C11orf65: variants seen among roughly 807,000 people sequenced by gnomAD.
C11orf65 encodes the protein chromosome 11 open reading frame 65, also known as protein MFI.
C11orf65 carries 38 observed loss-of-function variants against 35.3 expected under a neutral mutation model. The observed-to-expected ratio is 1.08, with a 90% CI of 0.83 to 1.41. The LOEUF (loss-of-function observed/expected upper bound fraction) is 1.41, where lower values mean the gene tolerates loss of function less well. Ranked by LOEUF, C11orf65 falls within the 40% of genes most tolerant of loss-of-function variation. C11orf65 has a pLI of 0.00. For synonymous variants in C11orf65, 105 were observed against 114.4 expected, an observed-to-expected ratio of 0.92 and a Z score of 0.53; for missense variants, 370 against 367.1, an observed-to-expected ratio of 1.01 and a Z score of -0.06.
intron 2 of C11orf65, among the ~76,000 whole-genome samples, chr11:108,345,189 G>A (rs1475314414): frequency 6.6e-6 from 1 of 152,182 alleles, no homozygotes; most frequent in Non-Finnish European, 1.5e-5. Context: ...TGGGCAGCTT[G>A]AGAAGCACAT....
chr11:108,435,400 C>A (rs2093046813), intron 2 of C11orf65, among the ~76,000 whole-genome samples: 1 of 151,812 alleles, frequency 6.6e-6, no homozygotes, highest in African/African-American at 2.4e-5. Flanking sequence ...GCTATTACTA[C>A]CAGTAGAAAT....
intron 2 of C11orf65, among the ~76,000 whole-genome samples, chr11:108,362,462 G>A (rs954995076): frequency 1.8e-4 from 27 of 151,428 alleles, no homozygotes; most frequent in Non-Finnish European, 3.8e-4. Flanking sequence ...TATAACCAAA[G>A]GACTATAAAT....
At chr11:108,377,213 T>C (rs1440490372) in intron 2 of C11orf65, among the ~76,000 whole-genome samples, 3 of 151,992 alleles carry the variant, frequency 2.0e-5, no homozygotes, top group South Asian at 4.2e-4. Flanking sequence ...TTGATGAACA[T>C]TGATGCAAAA....
At chr11:108,423,167 C>A (rs1214304373) in intron 3 of C11orf65, among the ~76,000 whole-genome samples, 1 of 152,150 alleles carries the variant, frequency 6.6e-6, no homozygotes, top group African/African-American at 2.4e-5. Flanking sequence ...GCCCTTTGGG[C>A]AGACACCAAG....
intron 2 of C11orf65, chr11:108,367,530 G>A (rs1430306992): frequency 9.7e-6 from 2 of 205,208 alleles, no homozygotes; most frequent in East Asian, 7.4e-5. Context: ...TCGTGTATTA[G>A]TGAGTATAAT....
intron 2 of C11orf65, among the ~76,000 whole-genome samples, chr11:108,347,830 A>G (rs570201004): frequency 8.5e-5 from 13 of 152,312 alleles, no homozygotes; most frequent in African/African-American, 3.1e-4. Flanking sequence ...AAACTATAGG[A>G]AATAAATGAA....
chr11:108,383,466 T>C (rs2091910719), intron 8 of C11orf65, among the ~76,000 whole-genome samples: 1 of 152,212 alleles, frequency 6.6e-6, no homozygotes, highest in Non-Finnish European at 1.5e-5. Context: ...AGTGCTCTCA[T>C]CTGTAAAATG....
intron 2 of C11orf65, chr11:108,343,522 A>G: frequency 2.2e-6 from 2 of 925,728 alleles, no homozygotes; most frequent in South Asian, 3.4e-5. Flanking sequence ...CATCAGAATG[A>G]AAGTGTGTGA....
At chr11:108,386,270 A>G (rs746022108) in intron 7 of C11orf65, among the ~76,000 whole-genome samples, 13 of 152,190 alleles carry the variant, frequency 8.5e-5, no homozygotes, top group Non-Finnish European at 1.5e-4. Flanking sequence ...CAGAAAGATC[A>G]TGTCCTCAGC....
At chr11:108,356,789 A>G (rs2089982759) in intron 2 of C11orf65, among the ~76,000 whole-genome samples, 1 of 152,112 alleles carries the variant, frequency 6.6e-6, no homozygotes, top group South Asian at 2.1e-4. Flanking sequence ...TTAGAGTAGT[A>G]GGAGATCAAA....
At chr11:108,444,258 AG>A (rs1233389091) in intron 2 of C11orf65, among the ~76,000 whole-genome samples, 4 of 152,136 alleles carry the variant, frequency 2.6e-5, no homozygotes, top group African/African-American at 4.8e-5. Flanking sequence ...CACCCTCCCA[AG>A]ACTAAACCAT....
chr11:108,400,912 C>T (rs2092427136), intron 6 of C11orf65, among the ~76,000 whole-genome samples: 1 of 152,052 alleles, frequency 6.6e-6, no homozygotes, highest in African/African-American at 2.4e-5. Context: ...CAAGACCAGC[C>T]TGGCCAATAT....
chr11:108,424,271 A>C (rs1306264382), intron 3 of C11orf65, among the ~76,000 whole-genome samples: 1 of 152,170 alleles, frequency 6.6e-6, no homozygotes, highest in East Asian at 1.9e-4. Flanking sequence ...ACAAGTATCA[A>C]TAGCTGAATT....
downstream of C11orf65, among the ~76,000 whole-genome samples, chr11:108,379,915 G>C (rs561856517): frequency 5.9e-5 from 9 of 152,224 alleles, no homozygotes; most frequent in East Asian, 1.2e-3. Flanking sequence ...TTTCATGGGG[G>C]AAGTTTATTT....
downstream of C11orf65, chr11:108,330,357 T>C (rs771317764): frequency 1.2e-6 from 2 of 1,614,190 alleles, no homozygotes; most frequent in Non-Finnish European, 1.7e-6. Flanking sequence ...GATATGTGGG[T>C]ATTCCGACTT....
downstream of C11orf65, chr11:108,327,664 T>G (rs4988111): frequency 6.2e-7 from 1 of 1,613,912 alleles, no homozygotes; most frequent in Non-Finnish European, 8.5e-7. Context: ...AGCCTAAAAC[T>G]TACATACACA....
At chr11:108,446,034 T>C (rs957901544) in intron 2 of C11orf65, among the ~76,000 whole-genome samples, 9 of 150,048 alleles carry the variant, frequency 6.0e-5, no homozygotes, top group Admixed American at 3.3e-4. Context: ...TGATGGAAGA[T>C]GAAATGAATG....
chr11:108,332,502 T>C (rs2086371199), intron 3 of C11orf65, among the ~76,000 whole-genome samples: 2 of 152,186 alleles, frequency 1.3e-5, no homozygotes, highest in Admixed American at 1.3e-4. Flanking sequence ...GCATAGGAGA[T>C]ACCAGTAGTA....
chr11:108,358,377 T>C (rs2090289546), intron 2 of C11orf65, among the ~76,000 whole-genome samples: 2 of 146,996 alleles, frequency 1.4e-5, no homozygotes, highest in Non-Finnish European at 3.0e-5. Flanking sequence ...CTCTGCAGGA[T>C]ATTATCCAGG....
Sources: allele counts gnomAD v4.1 joint callset (sites outside exome capture counted in the v4.1 genomes callset), GRCh38; gene constraint gnomAD v4.1.1; transcripts MANE v1.5; gene names NCBI Gene and HGNC (gene_info 2026-07-23, HGNC 2026-07-21).